JAK1: variants seen among roughly 807,000 people sequenced by gnomAD.
JAK1 encodes Janus kinase 1.
Under a neutral mutation model 136.6 loss-of-function variants are expected in JAK1, and 16 were observed. The ratio of observed to expected loss-of-function variants is 0.12; its 90% CI spans 0.08 to 0.18. The LOEUF (loss-of-function observed/expected upper bound fraction) is 0.18, where lower values mean the gene tolerates loss of function less well. JAK1 is among the 10% of genes least tolerant of loss of function. JAK1 has a pLI of 1.00. For synonymous variants in JAK1, 492 were observed against 519.5 expected (o/e 0.95, Z 0.72); for missense variants, 859 against 1,450.1 (o/e 0.59, Z 6.62).
intron 1 of JAK1, among the ~76,000 whole-genome samples, chr1:64,893,344 A>G (rs1315119942): frequency 6.6e-6 from 1 of 152,132 alleles, no homozygotes; most frequent in African/African-American, 2.4e-5. Flanking sequence ...ATCCACTAGG[A>G]CCTGCCTGGT....
intron 19 of JAK1, among the ~76,000 whole-genome samples, chr1:64,840,226 G>T (rs532278675): frequency 1.3e-5 from 2 of 152,192 alleles, no homozygotes; most frequent in African/African-American, 4.8e-5. Flanking sequence ...ACCTGACAGC[G>T]ACAGTGGTGG....
At chr1:65,045,697 T>C (rs1647177458) in intron 1 of JAK1, among the ~76,000 whole-genome samples, 1 of 152,144 alleles carries the variant, frequency 6.6e-6, no homozygotes, top group Admixed American at 6.5e-5. Context: ...CACAATAATA[T>C]GGGCCCTTTC....
At chr1:64,855,828 A>C in intron 10 of JAK1, 130 bp from the exon 11 acceptor site, 1 of 673,720 alleles carries the variant, frequency 1.5e-6, no homozygotes, top group Non-Finnish European at 2.4e-6. Flanking sequence ...TGTAAATCTA[A>C]AATTATTCAA....
intron 2 of JAK1, among the ~76,000 whole-genome samples, chr1:64,988,464 C>G (rs1022638547): frequency 2.0e-5 from 3 of 152,040 alleles, no homozygotes; most frequent in South Asian, 4.1e-4. Flanking sequence ...AGTAGGCAGC[C>G]CCAAGCTCCT....
At chr1:64,921,463 C>T (rs1645493206) in intron 1 of JAK1, among the ~76,000 whole-genome samples, 1 of 152,078 alleles carries the variant, frequency 6.6e-6, no homozygotes, top group South Asian at 2.1e-4. Context: ...AGCACTTTCA[C>T]ATCTATTAAC....
chr1:64,888,848 T>C (rs1369024989), intron 1 of JAK1, among the ~76,000 whole-genome samples: 4 of 152,334 alleles, frequency 2.6e-5, no homozygotes. Flanking sequence ...GTGATGCTTT[T>C]GAATGCCGAT....
chr1:65,014,812 A>G (rs973691357), intron 2 of JAK1, among the ~76,000 whole-genome samples: 2 of 151,752 alleles, frequency 1.3e-5, no homozygotes, highest in South Asian at 2.1e-4. Flanking sequence ...AGCCTCCCGA[A>G]TAGCTGGGAC....
intron 1 of JAK1, among the ~76,000 whole-genome samples, chr1:65,050,882 TGA>T (rs1322877719): frequency 3.9e-5 from 6 of 152,208 alleles, no homozygotes; most frequent in Admixed American, 6.5e-5. Flanking sequence ...ACTGGGAGCC[TGA>T]GAGCCTCCTC....
chr1:64,931,113 G>T (rs1645683675), intron 1 of JAK1, among the ~76,000 whole-genome samples: 1 of 152,044 alleles, frequency 6.6e-6, no homozygotes, highest in Non-Finnish European at 1.5e-5. Context: ...AAACCTGCAC[G>T]TTCTGCACAT....
intron 1 of JAK1, among the ~76,000 whole-genome samples, chr1:64,895,833 A>G (rs1380267704): frequency 2.0e-5 from 3 of 152,250 alleles, no homozygotes; most frequent in African/African-American, 7.2e-5. Flanking sequence ...ATTTTCTCAC[A>G]GTCCCAGGTG....
intron 2 of JAK1, among the ~76,000 whole-genome samples, chr1:64,988,907 A>T (rs185072297): frequency 6.1e-4 from 91 of 148,490 alleles, no homozygotes; most frequent in East Asian, 3.5e-3. Flanking sequence ...AAAATTTAAA[A>T]ATATATATAT....
chr1:64,996,686 C>A (rs903445745), intron 2 of JAK1, among the ~76,000 whole-genome samples: 1 of 152,114 alleles, frequency 6.6e-6, no homozygotes, highest in African/African-American at 2.4e-5. Context: ...GATTTTTTCC[C>A]AGCACATTAA....
At chr1:65,064,480 CTT>C (rs1430543860) in intron 1 of JAK1, among the ~76,000 whole-genome samples, 4 of 152,196 alleles carry the variant, frequency 2.6e-5, no homozygotes, top group Non-Finnish European at 4.4e-5. Context: ...GTTGTCAACA[CTT>C]CAGTGATTAT....
chr1:64,860,946 GTGTGTGTGTGTGTGTGTGTGTA>G, intron 8 of JAK1, among the ~76,000 whole-genome samples: 1 of 142,128 alleles, frequency 7.0e-6, no homozygotes, highest in Non-Finnish European at 1.5e-5. Context: ...GTGTGTGTGT[GTGTGTGTGTGTGTGTGTGTGTA>G]TGTGTGTGTG....
chr1:64,931,948 A>T (rs1248603897), intron 1 of JAK1, among the ~76,000 whole-genome samples: 1 of 151,460 alleles, frequency 6.6e-6, no homozygotes, highest in Non-Finnish European at 1.5e-5. Flanking sequence ...TTTTGGCTCT[A>T]AAAAAGGAGG....
At chr1:64,858,336 A>T (rs551996692) in intron 9 of JAK1, among the ~76,000 whole-genome samples, 33 of 152,320 alleles carry the variant, frequency 2.2e-4, no homozygotes, top group African/African-American at 7.2e-4. Context: ...GACTGAATAC[A>T]TCCCTGCATG....
chr1:65,017,458 ACT>A (rs1646900406), intron 2 of JAK1, among the ~76,000 whole-genome samples: 1 of 151,996 alleles, frequency 6.6e-6, no homozygotes. Flanking sequence ...ACAGAGAGAG[ACT>A]CTGTCTCAAA....
chr1:65,059,474 CA>C (rs1647696836), intron 1 of JAK1, among the ~76,000 whole-genome samples: 1 of 152,168 alleles, frequency 6.6e-6, no homozygotes, highest in Non-Finnish European at 1.5e-5. Flanking sequence ...AAATTAGTAA[CA>C]TTGATATTTT....
rs2101131661 is a variant in JAK1 at position 64,869,396 on chromosome 1, C to T, written c.562G>A (p.Glu188Lys). 6.2e-7 allele frequency: 1 copy of T among 1,613,932 alleles called. No individual in the cohort carries two copies. Among genetic ancestry groups the T allele is most frequent in the Non-Finnish European group, 8.5e-7 (1 of 1,179,852 alleles). The change falls in exon 6 of 25, where the codon GAG becomes AAG. Residue 188 changes from glutamate (E) to lysine (K), a missense_variant. Physicochemically the swap from Glu to Lys is moderately conservative, Grantham distance 56. Around this residue, in one of 4 missense-constraint regions of JAK1, gnomAD observed 353 missense variants for 494.0 expected, o/e 0.71. Coordinates refer to ENST00000342505, the MANE Select transcript of JAK1 (RefSeq NM_002227.4). ...TEQDGHDIEN[E>K]CLGMAVLAIS... ...GCCAGGACAGCCATCCCTAGACACT[C>T]GTTCTCAATATCATGTCCATCCTGC...
Sources: gnomAD v4.1 joint callset for allele counts (sites outside exome capture counted in the v4.1 genomes callset) on GRCh38, gnomAD v4.1.1 for gene constraint, gnomAD v4.1.1 regional missense constraint, MANE v1.5 for transcripts, NCBI Gene and HGNC (gene_info 2026-07-23, HGNC 2026-07-21) for gene names.